INPP5B: variants seen among roughly 807,000 people sequenced by gnomAD.
INPP5B encodes the protein type II inositol 1,4,5-trisphosphate 5-phosphatase.
INPP5B carries 90 observed loss-of-function variants against 118.5 expected under a neutral mutation model. The ratio of observed to expected loss-of-function variants is 0.76; its 90% CI spans 0.64 to 0.90. The LOEUF is 0.90. Ranked by LOEUF, INPP5B falls within the 40% of genes least tolerant of loss-of-function variation. INPP5B has a pLI of 0.00. For synonymous variants in INPP5B, 385 were observed against 418.9 expected (o/e 0.92, Z 0.99); for missense variants, 984 against 1,125.6 (o/e 0.87, Z 1.80).
chr1:37,914,526 C>G (rs897580060), intron 7 of INPP5B, among the ~76,000 whole-genome samples: 1 of 152,158 alleles, frequency 6.6e-6, no homozygotes, highest in Non-Finnish European at 1.5e-5. Context: ...CCAATCCAGT[C>G]ACACCAAACT....
chr1:37,938,299 A>AAATCAATC (rs1269936817), intron 6 of INPP5B, among the ~76,000 whole-genome samples: 16 of 149,898 alleles, frequency 1.1e-4, no homozygotes, highest in East Asian at 7.7e-4. Context: ...ATAAATAAAT[A>AAATCAATC]AATAAAATTA....
chr1:37,917,308 T>TTTTATATATATATATATATATATATATA lies in INPP5B; in HGVS notation c.532+14604_532+14605insTATATATATATATATATATATATATAAA, dbSNP rs1367504194. Reference sequence around the variant, plus strand: ...CGTCTCGGGGGAAAAAAAAAAATAATTATATATATATATATATATATATAT... The same window carrying TTTTATATATATATATATATATATATATA: ...CGTCTCGGGGGAAAAAAAAAAATAATTTTATATATATATATATATATATATATATATATATATATATATATATATATAT... On this transcript the variant is annotated intron_variant, in intron 7 of 23. Transcript: ENST00000373024. Among the ~76,000 whole-genome samples the TTTTATATATATATATATATATATATATA allele has an allele frequency of 6.5e-5, 6 of 92,794 alleles. 1 individual carries two copies. The highest frequency in any genetic ancestry group is 1.4e-4 in the Admixed American group (1 of 7,226). 60.9% of individuals were successfully genotyped at this position (92,794 alleles called of 152,430 possible).
chr1:37,914,999 A>T (rs995532570), intron 7 of INPP5B, among the ~76,000 whole-genome samples: 1 of 152,328 alleles, frequency 6.6e-6, no homozygotes. Context: ...CCCTAGGAGC[A>T]GCCTACCTAG....
Position 37,932,009 on chromosome 1 carries a change from G to C in INPP5B, c.436C>G (p.Arg146Gly). ...AGCTCCAGCTCTGCGCACCTATACC[G>C]AGACAGCCACAGGAATTCAGGATCC... ...TRDPEFLWLS[R>G]YRCAELELEM... The change falls in exon 7 of 24, where the codon CGG (arginine) becomes GGG (glycine). Residue 146 changes from arginine (R) to glycine (G), a missense_variant. Around this residue, in one of 2 missense-constraint regions of INPP5B, gnomAD observed 350 missense variants for 334.6 expected, o/e 1.05. Coordinates refer to ENST00000373024, the MANE Select transcript of INPP5B (RefSeq NM_005540.3). The C allele has an allele frequency of 1.2e-6, 2 of 1,608,722 alleles. No individual in the cohort carries two copies. Among genetic ancestry groups the C allele is most frequent in the South Asian group, 1.1e-5 (1 of 90,974 alleles).
intron 7 of INPP5B, among the ~76,000 whole-genome samples, chr1:37,926,781 C>T (rs551461467): frequency 9.2e-5 from 14 of 152,206 alleles, no homozygotes; most frequent in Admixed American, 7.2e-4. Context: ...GAACATTTTA[C>T]AGACTGACTT....
chr1:37,891,164 T>C (rs1219124738), intron 8 of INPP5B, among the ~76,000 whole-genome samples, 194 bp downstream of exon 8: 1 of 150,556 alleles, frequency 6.6e-6, no homozygotes, highest in East Asian at 2.0e-4. Flanking sequence ...GAGGTGGAGG[T>C]TGCGGTGAGC....
Position 37,932,098 on chromosome 1 carries a change from A to T in INPP5B, c.392-45T>A, listed in dbSNP as rs752637518. The T allele has an allele frequency of 1.3e-5, 20 of 1,511,150 alleles. No individual in the cohort carries two copies. The African/African-American group carries it at 2.4e-4, about 18-fold the overall frequency. 93.6% of individuals were successfully genotyped at this position (1,511,150 alleles called of 1,614,324 possible). ...GGCAGACTGAGCCACGAGCTTGAAG[A>T]GCCGGCTCTGCATGATTGTATTATC... On this transcript the variant is annotated intron_variant, in intron 6 of 23. Coordinates refer to ENST00000373024, the MANE Select transcript of INPP5B (RefSeq NM_005540.3).
rs1423113833 is a variant in INPP5B at position 37,874,100 on chromosome 1, T to C, written c.1844A>G (p.His615Arg). The C allele has an allele frequency of 6.2e-7, 1 of 1,604,180 alleles. No individual in the cohort carries two copies. Among genetic ancestry groups the C allele is most frequent in the South Asian group, 1.1e-5 (1 of 90,160 alleles). The part of the protein sequence containing the change: ...MQLKVESFTI[H>R]NGQVPCHFEF... ...AAAATGACAGGGTACTTGTCCATTA[T>C]GAATTGTAAAGGATTCTACTTTCAA... is the stretch of plus-strand genomic sequence containing the variant. Residue 615 changes from histidine to arginine, a missense_variant, in exon 18 of 24, where the codon CAT (histidine) becomes CGT (arginine). By Grantham distance (29) the His-to-Arg change is conservative (BLOSUM62 0). Around this residue, in one of 2 missense-constraint regions of INPP5B, gnomAD observed 634 missense variants for 791.0 expected, o/e 0.80. Transcript: ENST00000373024.
chr1:37,895,993 G>C (rs1235205713), intron 7 of INPP5B, among the ~76,000 whole-genome samples: 2 of 151,502 alleles, frequency 1.3e-5, no homozygotes, highest in Non-Finnish European at 2.9e-5. Flanking sequence ...GATGTGAGGA[G>C]CCCCTCTGCC....
At chr1:37,867,695 T>C (rs1038634357) in intron 20 of INPP5B, among the ~76,000 whole-genome samples, 11 of 152,260 alleles carry the variant, frequency 7.2e-5, no homozygotes, top group Non-Finnish European at 1.5e-5. Context: ...AGTGGGCTTG[T>C]AGTTTGTATA....
chr1:37,896,319 A>G (rs1399940402), intron 7 of INPP5B, among the ~76,000 whole-genome samples: 4 of 107,164 alleles, frequency 3.7e-5, no homozygotes, highest in East Asian at 2.9e-4. Flanking sequence ...CTGCCTGGCA[A>G]CCGCCCCGTC....
intron 3 of INPP5B, 114 bp from the exon 4 acceptor site, chr1:37,944,007 G>A: frequency 1.3e-6 from 1 of 753,448 alleles, no homozygotes; most frequent in Admixed American, 2.0e-5. Context: ...TGTGCTGGTG[G>A]TGCCCTGGCT....
intron 7 of INPP5B, 148 bp downstream of exon 7, chr1:37,931,765 C>A (rs765340350): frequency 1.2e-6 from 2 of 1,603,698 alleles, no homozygotes; most frequent in Non-Finnish European, 1.7e-6. Context: ...CCGCGCGCTC[C>A]GCCCCCAGAC....
At position 37,943,843 on chromosome 1, in the gene INPP5B, G is replaced by A. The variant is rs766748451; in HGVS notation, c.203C>T (p.Ser68Phe). ...RRMAITGDDVSLDQIVPVSRD... is the reference protein window; with the variant it reads ...RRMAITGDDVFLDQIVPVSRD... ...CGAGACTGGCACTATCTGGTCCAGA[G>A]AGACATCGTCCCCGGTAATGGCCAT... The change falls in exon 4 of 24, where the codon TCT becomes TTT. Residue 68 changes from serine (S) to phenylalanine (F), a missense_variant. Ser to Phe is a radical substitution (Grantham distance 155). Transcript: ENST00000373024. 1.2e-6 allele frequency: 2 copies of A among 1,614,170 alleles called. No individual in the cohort carries two copies. The highest frequency in any genetic ancestry group is 1.7e-6 in the Non-Finnish European group (2 of 1,180,028).
intron 23 of INPP5B, among the ~76,000 whole-genome samples, 181 bp from the exon 24 acceptor site, chr1:37,862,611 A>G (rs1641766125): frequency 6.6e-6 from 1 of 152,228 alleles, no homozygotes; most frequent in Admixed American, 6.5e-5. Context: ...TAGATGGTAT[A>G]GTCTATTGCT....
At chr1:37,894,173 A>G (rs964941004) in intron 7 of INPP5B, among the ~76,000 whole-genome samples, 2 of 152,232 alleles carry the variant, frequency 1.3e-5, no homozygotes, top group Non-Finnish European at 2.9e-5. Context: ...AATCATTCTT[A>G]GCTCATGAGC....
At chr1:37,930,410 G>A (rs1054914158) in intron 7 of INPP5B, 1 of 152,246 alleles carries the variant, frequency 6.6e-6, no homozygotes, top group Admixed American at 6.6e-5. Flanking sequence ...GGAATGAAGT[G>A]CCTGCATGGC....
chr1:37,863,924 C>T (rs1641868319), intron 23 of INPP5B, among the ~76,000 whole-genome samples: 2 of 151,266 alleles, frequency 1.3e-5, no homozygotes, highest in South Asian at 4.2e-4. Context: ...AAGCGATTCT[C>T]CTAACTCAGC....
intron 13 of INPP5B, among the ~76,000 whole-genome samples, chr1:37,884,696 A>C (rs1413013491): frequency 6.6e-6 from 1 of 152,182 alleles, no homozygotes; most frequent in Non-Finnish European, 1.5e-5. Flanking sequence ...TCATGCCTGT[A>C]ATCCCAGCAC....
Sources: allele counts gnomAD v4.1 joint callset (sites outside exome capture counted in the v4.1 genomes callset), GRCh38; gene constraint gnomAD v4.1.1; regional missense constraint gnomAD v4.1.1; transcripts MANE v1.5; gene names NCBI Gene and HGNC (gene_info 2026-07-23, HGNC 2026-07-21).